The following INSL6 variants were observed in gnomAD, a reference collection of about 807,000 sequenced individuals.
INSL6 encodes the protein insulin like 6.
In INSL6, 16 loss-of-function variants were observed where a neutral mutation model predicts 9.4. That is an observed-to-expected ratio of 1.70 (90% CI 1.15 to 2.59). The LOEUF (loss-of-function observed/expected upper bound fraction) is 2.59, where lower values mean the gene tolerates loss of function less well. Among genes scored for constraint, INSL6 ranks in the 30% most tolerant of loss-of-function variants. The probability of loss-of-function intolerance (pLI) is 0.00; values close to 1 mark genes in which losing one functional copy is unlikely to be tolerated. For missense variants in INSL6, 391 were observed against 257.3 expected (o/e 1.52, Z -3.56); for synonymous variants, 154 against 96.9 (o/e 1.59, Z -3.46).
the INSL6 span, among the ~76,000 whole-genome samples, chr9:5,077,842 A>C: frequency 3.3e-5 from 5 of 152,226 alleles, no homozygotes; most frequent in Non-Finnish European, 7.3e-5. Context: ...TTGGATTTAG[A>C]AAATTCAACC....
At chr9:5,017,870 T>G in the INSL6 span, among the ~76,000 whole-genome samples, 5 of 152,326 alleles carry the variant, frequency 3.3e-5, no homozygotes. Context: ...ATTAATCCCT[T>G]TATCATTCTA....
chr9:5,169,066 A>G (rs1377892456), intron 1 of INSL6, among the ~76,000 whole-genome samples: 1 of 152,008 alleles, frequency 6.6e-6, no homozygotes, highest in African/African-American at 2.4e-5. Flanking sequence ...CCCTGGGATT[A>G]GAGGCATGCG....
At chr9:5,096,363 G>T in the INSL6 span, among the ~76,000 whole-genome samples, 1 of 152,108 alleles carries the variant, frequency 6.6e-6, no homozygotes, top group Non-Finnish European at 1.5e-5. Flanking sequence ...ACTCTATTCT[G>T]CATCAGTTGA....
At chr9:5,113,445 A>AAAAC in the INSL6 span, 1 of 127,680 alleles carries the variant, frequency 7.8e-6, no homozygotes, top group Non-Finnish European at 1.8e-5. Flanking sequence ...AAAAAAAAAA[A>AAAAC]AAAACCCGGA....
chr9:5,159,647 T>C (rs1824883001), downstream of INSL6, among the ~76,000 whole-genome samples: 1 of 152,218 alleles, frequency 6.6e-6, no homozygotes, highest in Non-Finnish European at 1.5e-5. Context: ...CCCAGACGTA[T>C]AAAGCAAACA....
At chr9:5,063,492 C>T in the INSL6 span, among the ~76,000 whole-genome samples, 1 of 152,104 alleles carries the variant, frequency 6.6e-6, no homozygotes, top group African/African-American at 2.4e-5. Flanking sequence ...ACTATGTTTT[C>T]ATCTCTCTTA....
At chr9:5,172,278 A>G (rs1215146665) in intron 1 of INSL6, among the ~76,000 whole-genome samples, 1 of 151,816 alleles carries the variant, frequency 6.6e-6, no homozygotes, top group Admixed American at 6.6e-5. Context: ...GGAGAACTGG[A>G]CCACTTCCCT....
At chr9:5,011,225 G>C in the INSL6 span, among the ~76,000 whole-genome samples, 1 of 147,894 alleles carries the variant, frequency 6.8e-6, no homozygotes, top group African/African-American at 2.7e-5. Flanking sequence ...ATCAGACTTT[G>C]TTACTCTTGT....
At chr9:5,034,024 C>G in the INSL6 span, among the ~76,000 whole-genome samples, 7 of 151,738 alleles carry the variant, frequency 4.6e-5, no homozygotes, top group African/African-American at 1.5e-4. Flanking sequence ...CACATAGGCT[C>G]AAAATAAAGG....
the INSL6 span, among the ~76,000 whole-genome samples, chr9:5,006,705 A>G: frequency 1.3e-5 from 2 of 152,222 alleles, no homozygotes; most frequent in African/African-American, 2.4e-5. Flanking sequence ...ACTCACTATC[A>G]TGAGACTAGC....
chr9:5,141,153 TA>T (rs1000904511), intron 2 of INSL6, among the ~76,000 whole-genome samples: 7 of 152,052 alleles, frequency 4.6e-5, no homozygotes, highest in African/African-American at 1.7e-4. Context: ...CTATTGTGAA[TA>T]TGTTGCAATG....
the INSL6 span, chr9:5,073,824 G>A: frequency 1.5e-6 from 2 of 1,306,496 alleles, no homozygotes; most frequent in Admixed American, 1.8e-5. Flanking sequence ...CTTTCTCAGA[G>A]CATCTGTTTT....
chr9:5,005,609 TCCAGTGTAATTTTTTTC>T, the INSL6 span, among the ~76,000 whole-genome samples: 2 of 152,340 alleles, frequency 1.3e-5, no homozygotes, highest in South Asian at 4.1e-4. Context: ...TGAGAGAGAT[TCCAGTGTAATTTTTTTC>T]CTTTTCATGT....
the INSL6 span, chr9:5,112,491 C>G: frequency 1.3e-5 from 7 of 552,952 alleles, no homozygotes; most frequent in African/African-American, 5.9e-5. Context: ...CAGACAAGGA[C>G]GAGGAGGAAG....
At chr9:5,101,101 G>C in the INSL6 span, 4 of 152,362 alleles carry the variant, frequency 2.6e-5, no homozygotes, top group East Asian at 7.7e-4. Context: ...GGAAGCACAA[G>C]GGGTCAGGGG....
the INSL6 span, chr9:5,110,976 C>T: frequency 1.6e-6 from 1 of 623,502 alleles, no homozygotes; most frequent in Non-Finnish European, 2.9e-6. Flanking sequence ...ACCTGGACTT[C>T]AGCATGATGT....
chr9:5,046,653 C>G, the INSL6 span, among the ~76,000 whole-genome samples: 631 of 152,278 alleles, frequency 4.1e-3, 7 homozygotes, highest in African/African-American at 0.015. Context: ...GAAAGACTGT[C>G]TTTTCTCCAT....
At chr9:4,996,316 T>C in the INSL6 span, among the ~76,000 whole-genome samples, 5 of 152,088 alleles carry the variant, frequency 3.3e-5, no homozygotes, top group African/African-American at 4.8e-5. Context: ...GGTGTGGTGG[T>C]GCATGCCTGT....
At chr9:5,058,557 C>G in the INSL6 span, among the ~76,000 whole-genome samples, 3 of 152,296 alleles carry the variant, frequency 2.0e-5, no homozygotes, top group South Asian at 6.2e-4. Context: ...CAGAGCCAAA[C>G]CATGTCATAC....
Sources: allele counts gnomAD v4.1 joint callset (sites outside exome capture counted in the v4.1 genomes callset), GRCh38; gene constraint gnomAD v4.1.1; transcripts MANE v1.5; gene names NCBI Gene and HGNC (gene_info 2026-07-23, HGNC 2026-07-21).